The following DENND4B variants were observed in gnomAD, a reference collection of about 807,000 sequenced individuals.
DENND4B encodes the protein DENN domain-containing protein 4B.
Under a neutral mutation model 161.0 loss-of-function variants are expected in DENND4B, and 67 were observed. The observed-to-expected ratio is 0.42, with a 90% CI of 0.34 to 0.51. The LOEUF (loss-of-function observed/expected upper bound fraction) is 0.51, where lower values mean the gene tolerates loss of function less well. Ranked by LOEUF, DENND4B falls within the 20% of genes least tolerant of loss-of-function variation. DENND4B has a pLI of 0.08. For missense variants in DENND4B, 1,481 were observed against 1,968.0 expected (o/e 0.75, Z 4.68); for synonymous variants, 753 against 813.8 (o/e 0.93, Z 1.27).
At position 153,940,763 on chromosome 1, in the gene DENND4B, ATG is replaced by A. The variant is rs1679619004; in HGVS notation, c.1326+139_1326+140del. ...TAGAGAAGAGCTCCTGATGGAAGCT[ATG>A]TGTTCCTGCAGGCTGTGCCCAGGGA... On this transcript the variant is annotated intron_variant, in intron 9 of 27. Coordinates refer to ENST00000361217, the MANE Select transcript of DENND4B (RefSeq NM_014856.3). The surrounding 1 kb of genome is among the most constrained non-coding windows in gnomAD (Gnocchi z 5.6). 25 of 1,436,764 alleles carry A rather than the reference ATG, an allele frequency of 1.7e-5. No homozygotes were observed. In the Admixed American group the frequency reaches 2.9e-4, roughly 17 times the overall value. 89.0% of individuals were successfully genotyped at this position (1,436,764 alleles called of 1,614,324 possible).
chr1:153,942,337 C>T lies in DENND4B; in HGVS notation c.660G>A (p.Pro220=), dbSNP rs1380805750. 3 of 1,612,518 alleles carry T rather than the reference C, an allele frequency of 1.9e-6. No individual in the cohort carries two copies. The highest frequency in any genetic ancestry group is 1.1e-5 in the South Asian group (1 of 90,948). Residue 220 remains proline (P), a synonymous_variant, in exon 5 of 28, where the codon CCG becomes CCA. Coordinates refer to ENST00000361217, the MANE Select transcript of DENND4B (RefSeq NM_014856.3). The surrounding 1 kb of genome is among the most constrained non-coding windows in gnomAD (Gnocchi z 6.9). ...GCGGGAACGCCTCATTGTCCTCCTC[C>T]GGGTAGCGGCCCAGCAGCTCTGCAC... The part of the protein sequence containing the change: ...VYEAELLGRY[P]EEDNEAFPLP...
At position 153,932,372 on chromosome 1, in the gene DENND4B, C is replaced by T. The variant is rs1463630666; in HGVS notation, c.3828G>A (p.Leu1276=). The change falls in exon 24 of 28, where the codon CTG becomes CTA. Residue 1276 remains leucine, a synonymous_variant. Coordinates refer to ENST00000361217, the MANE Select transcript of DENND4B (RefSeq NM_014856.3). The surrounding 1 kb of genome is among the most constrained non-coding windows in gnomAD (Gnocchi z 5.8). The part of the protein sequence containing the change: ...YLSPLVLRKE[L]ESLVENEGSE... ...TGCCCTCGTTCTCTACCAGCGACTC[C>T]AGCTCCTTACGCAGCACCAGGGGGC... 4 of 1,613,692 alleles carry T rather than the reference C, an allele frequency of 2.5e-6. No individual in the cohort carries two copies. Among genetic ancestry groups the T allele is most frequent in the Non-Finnish European group, 3.4e-6 (4 of 1,179,810 alleles).
Position 153,933,476 on chromosome 1 carries a change from T to A in DENND4B, c.3330+7A>T. On this transcript the variant is annotated splice_region_variant and intron_variant, in intron 20 of 27. Coordinates refer to ENST00000361217, the MANE Select transcript of DENND4B (RefSeq NM_014856.3). The surrounding 1 kb of genome is among the most constrained non-coding windows in gnomAD (Gnocchi z 5.7). ...CTAAGGCATCTGGACCCTCCTTCACTGGCTACCTCGGAGGCAGTGGATCCA... is the reference window on the plus strand; with the variant it reads ...CTAAGGCATCTGGACCCTCCTTCACAGGCTACCTCGGAGGCAGTGGATCCA... The A allele has an allele frequency of 6.4e-7, 1 of 1,565,666 alleles. No homozygotes were observed. Among genetic ancestry groups the A allele is most frequent in the Non-Finnish European group, 8.7e-7 (1 of 1,155,472 alleles).
Position 153,932,651 on chromosome 1 carries a change from C to G in DENND4B, c.3750G>C (p.Gly1250=). Residue 1250 remains glycine, a synonymous_variant, in exon 23 of 28, where the codon GGG becomes GGC. Transcript: ENST00000361217. The surrounding 1 kb of genome is among the most constrained non-coding windows in gnomAD (Gnocchi z 5.8). ...LALDEPQLCN[G]HMGGASRRVE... ...TTGGCCCAGCCCTTACCCCCATGTG[C>G]CCGTTGCAGAGCTGGGGCTCATCCA... 3 of 1,612,808 alleles carry G rather than the reference C, an allele frequency of 1.9e-6. No homozygotes were observed. The highest frequency in any genetic ancestry group is 2.5e-6 in the Non-Finnish European group (3 of 1,179,106).
At chr1:153,938,494 A>G (rs1326839923) in intron 13 of DENND4B, among the ~76,000 whole-genome samples, 2 of 151,430 alleles carry the variant, frequency 1.3e-5, no homozygotes, top group African/African-American at 4.9e-5. Context: ...TGAGGTCAGG[A>G]GATCAAGACC....
chr1:153,941,772 C>CCTGGG, intron 6 of DENND4B, 97 bp downstream of exon 6: 1 of 1,464,446 alleles, frequency 6.8e-7, no homozygotes, highest in Non-Finnish European at 9.3e-7. Flanking sequence ...TACCCTGTGC[C>CCTGGG]CAGCCCTCCC....
At chr1:153,939,102 C>T (rs547496089) in intron 12 of DENND4B, 57 bp from the exon 13 acceptor site, 2 of 1,581,852 alleles carry the variant, frequency 1.3e-6, no homozygotes, top group East Asian at 4.5e-5. Flanking sequence ...TCCACCACAG[C>T]CATAGCTTTT....
rs369646535 is a variant in DENND4B, at chr1:153,937,523, C to T, written c.2197G>A (p.Ala733Thr). The change falls in exon 15 of 28, where the codon GCC (alanine) becomes ACC (threonine). Residue 733 changes from alanine (A) to threonine (T), a missense_variant. Ala to Thr is a moderately conservative substitution (Grantham distance 58, BLOSUM62 0). This residue lies in a region of DENND4B where 806 missense variants were observed against 1,134.4 expected (regional missense o/e 0.71). Coordinates refer to ENST00000361217, the MANE Select transcript of DENND4B (RefSeq NM_014856.3). The surrounding 1 kb of genome is among the most constrained non-coding windows in gnomAD (Gnocchi z 4.7). ...CGGCGAGGAGCAGGACTGCTGGGGG[C>T]GCTACGGGAAGGGCCTGGCACAGGC... is the stretch of plus-strand genomic sequence containing the variant. ...ALPVPGPSRS[A>T]PSSPAPRRTK... is the part of the protein sequence containing the mutation. 26 of 1,592,516 alleles carry T rather than the reference C, an allele frequency of 1.6e-5. No individual in the cohort carries two copies. Among genetic ancestry groups the T allele is most frequent in the Middle Eastern group, 1.7e-4 (1 of 6,050 alleles).
At chr1:153,946,875 A>G (rs1471798944), upstream of DENND4B, among the ~76,000 whole-genome samples, 1 of 152,198 alleles carries the variant, frequency 6.6e-6, no homozygotes, top group Non-Finnish European at 1.5e-5. The surrounding 1 kb of genome is among the most constrained non-coding windows in gnomAD (Gnocchi z 6.3). Context: ...TCCTGCAGTC[A>G]GATGTGGCAA....
chr1:153,934,332 G>A lies in DENND4B; in HGVS notation c.2774-30C>T, dbSNP rs1353469135. On this transcript the variant is annotated intron_variant, in intron 18 of 27. Transcript: ENST00000361217. This position sits in a 1 kb window ranked among gnomAD's most constrained non-coding sequence, Gnocchi z 5.3. ...AAAAGACGAGAAGGGGTTTAGAGGCGGCCAGCTAGGAACCCAGTCCCCTGT... is the reference window on the plus strand; with the variant it reads ...AAAAGACGAGAAGGGGTTTAGAGGCAGCCAGCTAGGAACCCAGTCCCCTGT... 3.2e-6 allele frequency: 5 copies of A among 1,547,870 alleles called. No individual in the cohort carries two copies. The highest frequency in any genetic ancestry group is 4.5e-5 in the Admixed American group (2 of 44,364).
chr1:153,934,591 G>T lies in DENND4B; in HGVS notation c.2773+169C>A. On this transcript the variant is annotated intron_variant, in intron 18 of 27. Coordinates refer to ENST00000361217, the MANE Select transcript of DENND4B (RefSeq NM_014856.3). This position sits in a 1 kb window ranked among gnomAD's most constrained non-coding sequence, Gnocchi z 5.3. ...CAAGTAGCTGGGACTACAGGTGCGC[G>T]CCACCACGCCCAGCTAATTTTTTTA... 8.1e-7 allele frequency: 1 copy of T among 1,232,940 alleles called. No homozygotes were observed. The highest frequency in any genetic ancestry group is 2.6e-5 in the East Asian group (1 of 39,112). 76.4% of individuals were successfully genotyped at this position (1,232,940 alleles called of 1,614,324 possible).
Position 153,936,631 on chromosome 1 carries a change from G to C in DENND4B, c.2350C>G (p.Arg784Gly). Reference sequence around the variant, plus strand: ...GCCTGCACTCGGGAGGGTGCCGACCGCACATAGGCAGGCAGACACAGGAAC... The same window carrying C: ...GCCTGCACTCGGGAGGGTGCCGACCCCACATAGGCAGGCAGACACAGGAAC... ...LWFLCLPAYV[R>G]SAPSRVQALH... Residue 784 changes from arginine to glycine, a missense_variant, in exon 16 of 28, where the codon CGG becomes GGG. Around this residue, in one of 3 missense-constraint regions of DENND4B, gnomAD observed 806 missense variants for 1,134.4 expected, o/e 0.71. Coordinates refer to ENST00000361217, the MANE Select transcript of DENND4B (RefSeq NM_014856.3). The surrounding 1 kb of genome is among the most constrained non-coding windows in gnomAD (Gnocchi z 4.1). 2 of 1,613,404 alleles carry C rather than the reference G, an allele frequency of 1.2e-6. No individual in the cohort carries two copies. The highest frequency in any genetic ancestry group is 1.7e-6 in the Non-Finnish European group (2 of 1,179,612).
rs1360174564 is a variant in DENND4B at position 153,937,313 on chromosome 1, T to A, written c.2232+175A>T. Among the ~76,000 whole-genome samples, 1 of 152,126 alleles carries A rather than the reference T, an allele frequency of 6.6e-6. No homozygotes were observed. Among genetic ancestry groups the A allele is most frequent in the Non-Finnish European group, 1.5e-5 (1 of 68,014 alleles). ...GTGATGATGATGATGATAATGACAG[T>A]GATAATAGCAACTAATGTTTATACA... On this transcript the variant is annotated intron_variant, in intron 15 of 27. Transcript: ENST00000361217. The surrounding 1 kb of genome is among the most constrained non-coding windows in gnomAD (Gnocchi z 4.7).
In DENND4B at chr1:153,940,513, C is replaced by G. The variant is rs1422177877; in HGVS notation, c.1420G>C (p.Gly474Arg). Reference protein sequence around the residue: ...VLSAPVPFIVGIHSSYFDLHD... With the variant: ...VLSAPVPFIVRIHSSYFDLHD... ...AGATCAAAGTAGCTGGAGTGGATAC[C>G]CACAATGAAGGGCACTGGGGCACTC... Residue 474 changes from glycine (G) to arginine (R), a missense_variant, in exon 10 of 28, where the codon GGT becomes CGT. Physicochemically the swap from Gly to Arg is moderately radical, Grantham distance 125. This residue lies in a region of DENND4B where 806 missense variants were observed against 1,134.4 expected (regional missense o/e 0.71). Coordinates refer to ENST00000361217, the MANE Select transcript of DENND4B (RefSeq NM_014856.3). The surrounding 1 kb of genome is among the most constrained non-coding windows in gnomAD (Gnocchi z 5.6). 1 of 1,613,358 alleles carries G rather than the reference C, an allele frequency of 6.2e-7. No homozygotes were observed. Among genetic ancestry groups the G allele is most frequent in the South Asian group, 1.1e-5 (1 of 90,934 alleles).
rs1414981418 is a variant in DENND4B at position 153,946,305 on chromosome 1, C to A, written c.-28G>T. The A allele has an allele frequency of 2.8e-6, 1 of 356,684 alleles. No individual in the cohort carries two copies. Among genetic ancestry groups the A allele is most frequent in the Non-Finnish European group, 5.0e-6 (1 of 198,996 alleles). 22.1% of individuals were successfully genotyped at this position (356,684 alleles called of 1,614,324 possible). On this transcript the variant is annotated 5_prime_UTR_variant, in exon 1 of 28. Coordinates refer to ENST00000361217, the MANE Select transcript of DENND4B (RefSeq NM_014856.3). This position sits in a 1 kb window ranked among gnomAD's most constrained non-coding sequence, Gnocchi z 6.3. ...CCCGGTCCAGCCCCTACCTGCCTGT[C>A]CCGCGCTTCCCGGCCGGCCGGCCCG...
At chr1:153,941,187 T>A (rs1679643570) in intron 8 of DENND4B, 44 bp downstream of exon 8, 1 of 1,609,708 alleles carries the variant, frequency 6.2e-7, no homozygotes, top group Admixed American at 1.7e-5. Flanking sequence ...ACCTACCATG[T>A]CCTTGGTCAT....
chr1:153,940,315 C>A lies in DENND4B; in HGVS notation c.1503-59G>T. ...GGCTCTGGGATAGGGTGACGGGGTT[C>A]CTTGCCAGCCTCCCTCACTTTGTGC... is the stretch of plus-strand genomic sequence containing the variant. On this transcript the variant is annotated intron_variant, in intron 10 of 27. Transcript: ENST00000361217. The surrounding 1 kb of genome is among the most constrained non-coding windows in gnomAD (Gnocchi z 5.6). 1 of 1,561,570 alleles carries A rather than the reference C, an allele frequency of 6.4e-7. No individual in the cohort carries two copies. Among genetic ancestry groups the A allele is most frequent in the Non-Finnish European group, 8.7e-7 (1 of 1,149,940 alleles).
In DENND4B at chr1:153,930,218, C is replaced by T. The variant is rs995254705; in HGVS notation, c.*79G>A. 21 of 1,508,256 alleles carry T rather than the reference C, an allele frequency of 1.4e-5. 1 individual carries two copies. In the South Asian group the frequency reaches 2.6e-4, roughly 19 times the overall value. 93.4% of individuals were successfully genotyped at this position (1,508,256 alleles called of 1,614,324 possible). ...CAGCCTGTTCCCAACTCCATGAAGGCAACAGGGAAGCAGTTTAACTCTAGA... is the reference window on the plus strand; with the variant it reads ...CAGCCTGTTCCCAACTCCATGAAGGTAACAGGGAAGCAGTTTAACTCTAGA... On this transcript the variant is annotated 3_prime_UTR_variant, in exon 28 of 28. Transcript: ENST00000361217. This position sits in a 1 kb window ranked among gnomAD's most constrained non-coding sequence, Gnocchi z 4.7.
In DENND4B at chr1:153,937,845, TCTC is replaced by T. The variant is rs747612235; in HGVS notation, c.1981_1983del (p.Glu661del). ...TCCACTAAGGGTGTCGGCTCAGGCT[TCTC>T]CTGCTCTGGGTGGACCTGGAGAAGG... On this transcript the variant is annotated inframe_deletion, in exon 14 of 28. Coordinates refer to ENST00000361217, the MANE Select transcript of DENND4B (RefSeq NM_014856.3). The surrounding 1 kb of genome is among the most constrained non-coding windows in gnomAD (Gnocchi z 4.7). 6 of 1,613,930 alleles carry T rather than the reference TCTC, an allele frequency of 3.7e-6. No individual in the cohort carries two copies. The highest frequency in any genetic ancestry group is 5.1e-6 in the Non-Finnish European group (6 of 1,179,896).
Sources: allele counts gnomAD v4.1 joint callset (sites outside exome capture counted in the v4.1 genomes callset), GRCh38; gene constraint gnomAD v4.1.1; regional missense constraint gnomAD v4.1.1; non-coding constraint Gnocchi (gnomAD v3.1); transcripts MANE v1.5; gene names NCBI Gene and HGNC (gene_info 2026-07-23, HGNC 2026-07-21).